The following ZNF430 variants were observed in gnomAD, a reference collection of about 807,000 sequenced individuals.
ZNF430 encodes zinc finger protein 430.
In ZNF430, 35 loss-of-function variants were observed where a neutral mutation model predicts 56.7. The ratio of observed to expected loss-of-function variants is 0.62; its 90% confidence interval spans 0.47 to 0.82. The LOEUF is 0.82. ZNF430 is among the 40% of genes least tolerant of loss of function. ZNF430 has a pLI of 0.00. For synonymous variants in ZNF430, 212 were observed against 224.3 expected (o/e 0.94, Z 0.49); for missense variants, 574 against 661.0 (o/e 0.87, Z 1.44).
chr19:21,027,998 A>C (rs931612751), intron 2 of ZNF430, among the ~76,000 whole-genome samples: 1 of 152,176 alleles, frequency 6.6e-6, no homozygotes, highest in Non-Finnish European at 1.5e-5. Flanking sequence ...AGCCTCTATG[A>C]GGGGATCTCT....
rs2358791 is a variant in ZNF430 at position 21,020,685 on chromosome 19, C to G, written c.-116C>G. The G allele has an allele frequency of 6.8e-6, 10 of 1,474,538 alleles. No individual in the cohort carries two copies. Among genetic ancestry groups the G allele is most frequent in the Middle Eastern group, 3.5e-4 (2 of 5,768 alleles). The allele number at this position is 1,474,538 out of a possible 1,614,324, so 91.3% of individuals were successfully genotyped here. On this transcript the variant is annotated 5_prime_UTR_variant, in exon 1 of 5. Coordinates refer to ENST00000261560, the MANE Select transcript of ZNF430 (RefSeq NM_025189.4). ...CCTCGCTGTGGCCTGAGCTCCAGGT[C>G]TCGTCTTCAGCGCTCTGTGTCCTCT... is the stretch of plus-strand genomic sequence containing the variant.
chr19:21,056,010 GC>G (rs1315663545), intron 4 of ZNF430, among the ~76,000 whole-genome samples: 1 of 152,214 alleles, frequency 6.6e-6, no homozygotes, highest in Non-Finnish European at 1.5e-5. Context: ...CCAAAAGTTG[GC>G]AGTGGGGAGC....
chr19:21,043,555 T>C (rs1165229036), intron 4 of ZNF430, among the ~76,000 whole-genome samples: 1 of 152,200 alleles, frequency 6.6e-6, no homozygotes, highest in Non-Finnish European at 1.5e-5. Flanking sequence ...GATAGCATGA[T>C]GCTTCCAGCT....
At chr19:21,038,066 A>G (rs1968034765) in intron 4 of ZNF430, among the ~76,000 whole-genome samples, 1 of 152,126 alleles carries the variant, frequency 6.6e-6, no homozygotes, top group African/African-American at 2.4e-5. Context: ...AGTATAGCAT[A>G]GTTAATTTTT....
chr19:21,034,193 G>A lies in ZNF430; in HGVS notation c.322+9G>A, dbSNP rs183025428. Reference sequence around the variant, plus strand: ...GGTAGATCAACCCCCAGGTAGGTGAGAGTGAACACAACAGACGACATGAAT... The same window carrying A: ...GGTAGATCAACCCCCAGGTAGGTGAAAGTGAACACAACAGACGACATGAAT... On this transcript the variant is annotated intron_variant, in intron 4 of 4. Transcript: ENST00000261560. The A allele has an allele frequency of 3.6e-4, 571 of 1,571,924 alleles. No individual in the cohort carries two copies. The highest frequency in any genetic ancestry group is 4.1e-4 in the Non-Finnish European group (471 of 1,151,578).
chr19:21,029,838 G>A (rs1189974747), intron 2 of ZNF430, among the ~76,000 whole-genome samples: 1 of 152,128 alleles, frequency 6.6e-6, no homozygotes, highest in Non-Finnish European at 1.5e-5. Flanking sequence ...GGTGGCACAT[G>A]CCTGTAATCC....
At chr19:21,037,476 A>G (rs1968024764) in intron 4 of ZNF430, among the ~76,000 whole-genome samples, 1 of 152,152 alleles carries the variant, frequency 6.6e-6, no homozygotes, top group African/African-American at 2.4e-5. Context: ...CATTTTTGAT[A>G]TGCTTATAAA....
At chr19:21,055,816 GTC>G (rs1968366253) in intron 4 of ZNF430, among the ~76,000 whole-genome samples, 1 of 152,224 alleles carries the variant, frequency 6.6e-6, no homozygotes, top group East Asian at 1.9e-4. Flanking sequence ...TGGCACTGCA[GTC>G]TCTCTGCTGC....
At chr19:21,047,531 T>C (rs1179495267) in intron 4 of ZNF430, among the ~76,000 whole-genome samples, 1 of 152,232 alleles carries the variant, frequency 6.6e-6, no homozygotes, top group East Asian at 1.9e-4. Context: ...AGGATTTTTT[T>C]GTTCATGCTG....
At chr19:21,039,422 A>T (rs1968062095) in intron 4 of ZNF430, among the ~76,000 whole-genome samples, 1 of 135,144 alleles carries the variant, frequency 7.4e-6, no homozygotes, top group African/African-American at 2.7e-5. Flanking sequence ...CAAATATATT[A>T]TTGGATTTAA....
intron 2 of ZNF430, among the ~76,000 whole-genome samples, chr19:21,032,356 A>G (rs1201468640): frequency 6.6e-6 from 1 of 152,226 alleles, no homozygotes; most frequent in Non-Finnish European, 1.5e-5. Flanking sequence ...TTATGGTTGC[A>G]TTCAGATTAT....
intron 4 of ZNF430, among the ~76,000 whole-genome samples, chr19:21,055,966 G>A (rs753128462): frequency 2.0e-5 from 3 of 152,164 alleles, no homozygotes; most frequent in Non-Finnish European, 4.4e-5. Context: ...AAAGATGTAT[G>A]TGGCAGTATT....
intron 4 of ZNF430, among the ~76,000 whole-genome samples, chr19:21,046,177 C>T (rs1440902601): frequency 6.6e-6 from 1 of 152,008 alleles, no homozygotes; most frequent in Non-Finnish European, 1.5e-5. Context: ...TAAAAATTAG[C>T]CTGTCATGGT....
At chr19:21,032,585 G>T (rs765848175) in intron 2 of ZNF430, among the ~76,000 whole-genome samples, 2 of 151,934 alleles carry the variant, frequency 1.3e-5, no homozygotes, top group Admixed American at 6.6e-5. Context: ...AAATTAGCTG[G>T]GCATGGTGGT....
chr19:21,050,035 A>G (rs1198342713), intron 4 of ZNF430, among the ~76,000 whole-genome samples: 2 of 151,324 alleles, frequency 1.3e-5, no homozygotes, highest in Non-Finnish European at 2.9e-5. Flanking sequence ...GGCGCCCACC[A>G]CCACACCTGG....
chr19:21,035,848 CT>C (rs1335595878), intron 4 of ZNF430: 1 of 154,704 alleles, frequency 6.5e-6, no homozygotes, highest in Non-Finnish European at 1.4e-5. Context: ...TCCTTCAACA[CT>C]TTGATCTGTA....
At chr19:21,023,255 G>A (rs575182136) in intron 2 of ZNF430, among the ~76,000 whole-genome samples, 43 of 152,076 alleles carry the variant, frequency 2.8e-4, no homozygotes, top group Admixed American at 7.2e-4. Context: ...GTGGAAGACT[G>A]TTTGAAGTGA....
At chr19:21,037,338 AAAC>A (rs200806253) in intron 4 of ZNF430, among the ~76,000 whole-genome samples, 2,296 of 152,102 alleles carry the variant, frequency 0.015, 64 homozygotes, top group African/African-American at 0.053. Context: ...GGCTGGTCTC[AAAC>A]TCCTGACCTC....
At chr19:21,046,475 A>C (rs1401684387) in intron 4 of ZNF430, among the ~76,000 whole-genome samples, 6 of 152,038 alleles carry the variant, frequency 3.9e-5, no homozygotes, top group Admixed American at 2.0e-4. Context: ...GTGGCTAGTA[A>C]TGGTTTTTTT....
Sources: allele counts gnomAD v4.1 joint callset (sites outside exome capture counted in the v4.1 genomes callset), GRCh38; gene constraint gnomAD v4.1.1; transcripts MANE v1.5; gene names NCBI Gene and HGNC (gene_info 2026-07-23, HGNC 2026-07-21).